PDE4D: variants seen among roughly 807,000 people sequenced by gnomAD.
PDE4D encodes phosphodiesterase 4D.
Under a neutral mutation model 87.4 loss-of-function variants are expected in PDE4D, and 24 were observed. That is an observed-to-expected ratio of 0.27 (90% CI 0.20 to 0.39). PDE4D has a LOEUF of 0.39. PDE4D is among the 10% of genes least tolerant of loss of function. The pLI is 1.00. For synonymous variants in PDE4D, 384 were observed against 383.2 expected, an observed-to-expected ratio of 1.00 and a Z score of -0.02; for missense variants, 714 against 1,041.0, an observed-to-expected ratio of 0.69 and a Z score of 4.32.
chr5:59,783,738 G>GGAACATTCCATGTAAA (rs1256051596), intron 1 of PDE4D, among the ~76,000 whole-genome samples: 6 of 152,278 alleles, frequency 3.9e-5, no homozygotes, highest in Middle Eastern at 3.4e-3. Flanking sequence ...AATTGATCCT[G>GGAACATTCCATGTAAA]GAACATTCCA....
chr5:60,211,028 G>A (rs774702081), intron 1 of PDE4D, among the ~76,000 whole-genome samples: 20 of 152,208 alleles, frequency 1.3e-4, no homozygotes, highest in Non-Finnish European at 4.4e-5. Flanking sequence ...CGGACTGAGG[G>A]GCGCGACAGG....
chr5:59,329,382 A>G (rs1776307089), intron 1 of PDE4D, among the ~76,000 whole-genome samples: 1 of 152,176 alleles, frequency 6.6e-6, no homozygotes, highest in Non-Finnish European at 1.5e-5. Context: ...AAGCATAAAC[A>G]TATACCTTTT....
intron 1 of PDE4D, among the ~76,000 whole-genome samples, chr5:59,392,114 T>C (rs1020439063): frequency 6.6e-6 from 1 of 152,002 alleles, no homozygotes; most frequent in Non-Finnish European, 1.5e-5. Flanking sequence ...CCTTCTGTGA[T>C]AATCCTGAGT....
At chr5:60,110,151 A>G (rs1166643027) in intron 2 of PDE4D, among the ~76,000 whole-genome samples, 1 of 152,142 alleles carries the variant, frequency 6.6e-6, no homozygotes, top group Non-Finnish European at 1.5e-5. Flanking sequence ...CACAGTCAAC[A>G]AAAACGAAAA....
At chr5:60,200,115 G>A (rs527821089) in intron 1 of PDE4D, among the ~76,000 whole-genome samples, 16 of 151,584 alleles carry the variant, frequency 1.1e-4, no homozygotes, top group South Asian at 4.2e-4. Flanking sequence ...AATTACAAAC[G>A]CTTATGGGGC....
intron 1 of PDE4D, chr5:59,430,450 C>G (rs1481966461): frequency 4.1e-6 from 5 of 1,230,290 alleles, no homozygotes; most frequent in Non-Finnish European, 5.1e-6. Context: ...AAAAGCAAAT[C>G]TGAGTAGTCA....
At chr5:59,295,960 A>C (rs1769000766) in intron 1 of PDE4D, among the ~76,000 whole-genome samples, 2 of 152,134 alleles carry the variant, frequency 1.3e-5, no homozygotes, top group South Asian at 4.1e-4. Flanking sequence ...CAAACCTTGA[A>C]AGGAGGTAGC....
intron 1 of PDE4D, among the ~76,000 whole-genome samples, chr5:59,630,269 C>T (rs1831396050): frequency 6.6e-6 from 1 of 152,174 alleles, no homozygotes; most frequent in South Asian, 2.1e-4. Context: ...CTACAGTACT[C>T]TTTTCTCAGC....
At chr5:60,140,010 G>A (rs952033670) in intron 2 of PDE4D, among the ~76,000 whole-genome samples, 1 of 151,962 alleles carries the variant, frequency 6.6e-6, no homozygotes, top group African/African-American at 2.4e-5. Context: ...TATGCAACTT[G>A]TCATCATTTC....
intron 1 of PDE4D, among the ~76,000 whole-genome samples, chr5:59,394,381 AT>A (rs1479897671): frequency 1.3e-5 from 2 of 152,054 alleles, no homozygotes; most frequent in Admixed American, 1.3e-4. Context: ...CTTCACTCAC[AT>A]TTTTGTCTTT....
At chr5:59,118,852 C>T (rs1224259058) in intron 5 of PDE4D, among the ~76,000 whole-genome samples, 1 of 152,114 alleles carries the variant, frequency 6.6e-6, no homozygotes, top group East Asian at 1.9e-4. Flanking sequence ...TGCTTAATAC[C>T]ACACAAATAA....
intron 2 of PDE4D, among the ~76,000 whole-genome samples, chr5:60,181,640 T>A (rs912340038): frequency 8.5e-5 from 13 of 152,166 alleles, no homozygotes; most frequent in African/African-American, 3.1e-4. Context: ...CAAATCCAAT[T>A]AAGTAGATGA....
At chr5:60,102,591 C>A (rs1776341158) in intron 2 of PDE4D, among the ~76,000 whole-genome samples, 3 of 152,026 alleles carry the variant, frequency 2.0e-5, no homozygotes, top group Admixed American at 6.6e-5. Flanking sequence ...ACTGAGGTAG[C>A]TAGGGAACCA....
rs183142181 is a variant in PDE4D, at chr5:59,796,484, C to A, written c.455+96684G>T. 6.6e-5 allele frequency among the ~76,000 whole-genome samples: 10 copies of A among 152,302 alleles called. No individual in the cohort carries two copies. The East Asian group carries it at 1.9e-3, about 29-fold the overall frequency. ...CAACTCCGTGACCTTCAGTCACTGC[C>A]CCCACTGTCTTCAGCTTTCTCCAAA... On this transcript the variant is annotated intron_variant, in intron 1 of 14. Coordinates refer to ENST00000340635, the MANE Select transcript of PDE4D (RefSeq NM_001104631.2).
chr5:59,156,320 A>AAAAATAT (rs548335725), intron 5 of PDE4D, among the ~76,000 whole-genome samples: 19 of 81,778 alleles, frequency 2.3e-4, no homozygotes, highest in Non-Finnish European at 3.3e-4. Context: ...AAAAAAAAAA[A>AAAAATAT]ATATATATAT....
chr5:60,040,196 T>TC (rs1485537349), intron 2 of PDE4D, among the ~76,000 whole-genome samples: 1 of 152,214 alleles, frequency 6.6e-6, no homozygotes, highest in Admixed American at 6.5e-5. Context: ...TCTGAGTTTT[T>TC]CTAATATGAA....
intron 5 of PDE4D, among the ~76,000 whole-genome samples, chr5:59,084,446 T>G (rs776051154): frequency 6.6e-6 from 1 of 151,862 alleles, no homozygotes; most frequent in African/African-American, 2.4e-5. Context: ...AATATAAACA[T>G]ACAGGCTACA....
At chr5:60,199,096 A>G (rs1741612609) in intron 1 of PDE4D, among the ~76,000 whole-genome samples, 1 of 151,782 alleles carries the variant, frequency 6.6e-6, no homozygotes, top group African/African-American at 2.4e-5. Flanking sequence ...TTTCATTTTG[A>G]TGCTTCCTTC....
intron 1 of PDE4D, among the ~76,000 whole-genome samples, chr5:59,787,065 G>A (rs1765255375): frequency 6.6e-6 from 1 of 152,134 alleles, no homozygotes; most frequent in African/African-American, 2.4e-5. Flanking sequence ...CTGTCACACT[G>A]ACAATGTCTT....
Sources: gnomAD v4.1 joint callset for allele counts (sites outside exome capture counted in the v4.1 genomes callset) on GRCh38, gnomAD v4.1.1 for gene constraint, MANE v1.5 for transcripts, NCBI Gene and HGNC (gene_info 2026-07-23, HGNC 2026-07-21) for gene names.